Variants in ITGB5 observed in about 807,000 individuals in gnomAD.
ITGB5 encodes integrin beta-5.
A neutral mutation model predicts 84.8 loss-of-function variants in ITGB5; 38 were observed. That is an observed-to-expected ratio of 0.45 (90% CI 0.35 to 0.59). The LOEUF is 0.59. Ranked by LOEUF, ITGB5 falls within the 20% of genes least tolerant of loss-of-function variation. The pLI is 0.01. For synonymous variants in ITGB5, 393 were observed against 414.4 expected, an observed-to-expected ratio of 0.95 and a Z score of 0.63; for missense variants, 905 against 1,034.5, an observed-to-expected ratio of 0.87 and a Z score of 1.72.
At chr3:124,787,136 G>A (rs959038788) in intron 10 of ITGB5, among the ~76,000 whole-genome samples, 10 of 152,128 alleles carry the variant, frequency 6.6e-5, no homozygotes, top group Admixed American at 2.6e-4. Flanking sequence ...CACCAGGCCT[G>A]AAGTTCAAAG....
intron 1 of ITGB5, among the ~76,000 whole-genome samples, chr3:124,899,404 G>A (rs1163524771): frequency 3.3e-5 from 5 of 152,142 alleles, no homozygotes; most frequent in South Asian, 4.2e-4. Context: ...CCAGTCAGGA[G>A]GCTATTGTTT....
chr3:124,803,502 T>A (rs995101454), intron 9 of ITGB5, among the ~76,000 whole-genome samples: 11 of 152,198 alleles, frequency 7.2e-5, no homozygotes, highest in African/African-American at 2.4e-4. Flanking sequence ...ATGTCCCCAT[T>A]CCATGCAAAC....
chr3:124,826,508 T>G (rs1479946911), intron 5 of ITGB5, among the ~76,000 whole-genome samples: 1 of 152,210 alleles, frequency 6.6e-6, no homozygotes, highest in African/African-American at 2.4e-5. Flanking sequence ...CCACTTAATC[T>G]TCACTGCAAC....
chr3:124,835,456 C>T (rs1033821346), intron 5 of ITGB5, among the ~76,000 whole-genome samples: 10 of 152,254 alleles, frequency 6.6e-5, no homozygotes, highest in African/African-American at 1.9e-4. Flanking sequence ...CACCTGCATG[C>T]GCAATGCCCA....
chr3:124,785,254 G>A (rs778674598), intron 10 of ITGB5, among the ~76,000 whole-genome samples: 32 of 152,168 alleles, frequency 2.1e-4, no homozygotes, highest in Non-Finnish European at 2.8e-4. Context: ...GATCATTCAC[G>A]TCAAGGGCGT....
rs1441738519 is a variant in ITGB5 at position 124,773,777 on chromosome 3, C to G, written c.1829G>C (p.Cys610Ser). Reference protein sequence around the residue: ...QICSERGHCLCGQCQCTEPGA... With the variant: ...QICSERGHCLSGQCQCTEPGA... The stretch of plus-strand genomic sequence containing the variant: ...CGGCTCCGTGCATTGGCACTGCCCA[C>G]AGAGACAGTGCCCACGCTCGCTGCA... The change falls in exon 11 of 15, where the codon TGT becomes TCT. Residue 610 changes from cysteine (C) to serine (S), a missense_variant. Physicochemically the swap from Cys to Ser is moderately radical, Grantham distance 112 (BLOSUM62 -1). Transcript: ENST00000296181. 4 of 1,613,598 alleles carry G rather than the reference C, an allele frequency of 2.5e-6. No homozygotes were observed. The highest frequency in any genetic ancestry group is 3.4e-6 in the Non-Finnish European group (4 of 1,180,034).
At chr3:124,838,667 T>G (rs998224866) in intron 5 of ITGB5, among the ~76,000 whole-genome samples, 3 of 152,126 alleles carry the variant, frequency 2.0e-5, no homozygotes, top group Non-Finnish European at 4.4e-5. Context: ...AGTGGCATGA[T>G]CTCGGTTCAC....
chr3:124,875,045 A>G (rs1934241334), intron 1 of ITGB5, among the ~76,000 whole-genome samples: 2 of 152,240 alleles, frequency 1.3e-5, no homozygotes, highest in African/African-American at 4.8e-5. Context: ...CAGCAAAGGA[A>G]ACAATCAACA....
intron 10 of ITGB5, among the ~76,000 whole-genome samples, chr3:124,776,800 C>T (rs915414689): frequency 1.3e-5 from 2 of 152,218 alleles, no homozygotes; most frequent in African/African-American, 4.8e-5. Flanking sequence ...TTGCTGGCTG[C>T]ACCATAAAAT....
chr3:124,784,673 C>T (rs538332485), intron 10 of ITGB5, among the ~76,000 whole-genome samples: 43 of 152,320 alleles, frequency 2.8e-4, no homozygotes, highest in Non-Finnish European at 5.7e-4. Flanking sequence ...TCTTCTAGGA[C>T]CCTGAGAATG....
Position 124,848,427 on chromosome 3 carries a change from C to T in ITGB5, c.493G>A (p.Ala165Thr), listed in dbSNP as rs370951139. ...DNIRSLGTKLAEEMRKLTSNF... is the reference protein window; with the variant it reads ...DNIRSLGTKLTEEMRKLTSNF... ...CTGGTGAGCTTCCTCATCTCCTCCG[C>T]GAGTTTGGTGCCCAGGCTCCGGATA... Residue 165 changes from alanine (A) to threonine (T), a missense_variant, in exon 4 of 15, where the codon GCG (alanine) becomes ACG (threonine). Ala to Thr is a moderately conservative substitution (Grantham distance 58). Coordinates refer to ENST00000296181, the MANE Select transcript of ITGB5 (RefSeq NM_002213.5). The T allele has an allele frequency of 2.7e-5, 43 of 1,614,056 alleles. No individual in the cohort carries two copies. Among genetic ancestry groups the T allele is most frequent in the South Asian group, 1.5e-4 (14 of 91,076 alleles).
chr3:124,890,241 T>C (rs1934969861), upstream of ITGB5, among the ~76,000 whole-genome samples: 3 of 142,722 alleles, frequency 2.1e-5, no homozygotes, highest in South Asian at 6.8e-4. Flanking sequence ...TCTCGCTCTG[T>C]CGCCCAAGCT....
intron 9 of ITGB5, among the ~76,000 whole-genome samples, chr3:124,801,987 G>A (rs751991089): frequency 8.5e-5 from 13 of 152,284 alleles, no homozygotes; most frequent in African/African-American, 1.9e-4. Context: ...AGCCCACCCC[G>A]GCTTTCTCTG....
chr3:124,816,545 T>C (rs953869188), intron 8 of ITGB5, among the ~76,000 whole-genome samples: 5 of 152,194 alleles, frequency 3.3e-5, no homozygotes, highest in Admixed American at 6.5e-5. Context: ...ACCTGGCGCC[T>C]TGAGCAGGTG....
At chr3:124,898,640 T>G (rs1450325891) in intron 1 of ITGB5, among the ~76,000 whole-genome samples, 2 of 31,676 alleles carry the variant, frequency 6.3e-5, no homozygotes, top group African/African-American at 1.0e-4. Flanking sequence ...CGAGACTCCG[T>G]CTCAAAAAAA....
chr3:124,779,465 GAGA>G (rs1380418997), intron 10 of ITGB5, among the ~76,000 whole-genome samples: 1 of 152,198 alleles, frequency 6.6e-6, no homozygotes, highest in African/African-American at 2.4e-5. Context: ...ACAGACCCAG[GAGA>G]AGGAGCAGGT....
intron 5 of ITGB5, among the ~76,000 whole-genome samples, chr3:124,840,602 A>C (rs1021486548): frequency 1.3e-5 from 2 of 152,118 alleles, no homozygotes; most frequent in African/African-American, 2.4e-5. Context: ...TATATCACAG[A>C]GAAGCAGGAG....
chr3:124,883,440 T>A (rs537708138), intron 1 of ITGB5, among the ~76,000 whole-genome samples: 1 of 152,116 alleles, frequency 6.6e-6, no homozygotes, highest in African/African-American at 2.4e-5. Flanking sequence ...AAAATGTAAA[T>A]CCATAGGATA....
chr3:124,761,999 A>G lies in ITGB5; in HGVS notation c.*1624T>C, dbSNP rs570840328. 4 of 152,196 alleles carry G rather than the reference A, an allele frequency of 2.6e-5. No individual in the cohort carries two copies. The highest frequency in any genetic ancestry group is 1.3e-4 in the Admixed American group (2 of 15,278). 9.4% of individuals were successfully genotyped at this position (152,196 alleles called of 1,614,324 possible). A position where few individuals can be genotyped will look rare whatever the true frequency, so the allele number is the denominator to read the frequency against. ...CTCAATTCAGAAAAGTCTCAACACC[A>G]CAATTTATCTGTTTAATGTTTTCAT... On this transcript the variant is annotated 3_prime_UTR_variant, in exon 15 of 15. Transcript: ENST00000296181.
Sources: gnomAD v4.1 joint callset for allele counts (sites outside exome capture counted in the v4.1 genomes callset) on GRCh38, gnomAD v4.1.1 for gene constraint, MANE v1.5 for transcripts, NCBI Gene and HGNC (gene_info 2026-07-23, HGNC 2026-07-21) for gene names.